The following BRSK1 variants were observed in gnomAD, a reference collection of about 807,000 sequenced individuals.
BRSK1 encodes the protein serine/threonine-protein kinase BRSK1.
In BRSK1, 17 loss-of-function variants were observed where a neutral mutation model predicts 86.2. That is an observed-to-expected ratio of 0.20 (90% CI 0.14 to 0.30). The LOEUF (loss-of-function observed/expected upper bound fraction) is 0.30. Among genes scored for constraint, BRSK1 ranks in the 10% least tolerant of loss-of-function variants. BRSK1 has a pLI of 1.00. For missense variants in BRSK1, 719 were observed against 1,071.9 expected, an observed-to-expected ratio of 0.67 and a Z score of 4.60; for synonymous variants, 464 against 440.1, an observed-to-expected ratio of 1.05 and a Z score of -0.68.
chr19:55,307,778 AC>A (rs1568989587), intron 17 of BRSK1, among the ~76,000 whole-genome samples: 8 of 135,068 alleles, frequency 5.9e-5, no homozygotes, highest in African/African-American at 8.4e-5. Context: ...ACACACACAC[AC>A]ACACACACAA....
chr19:55,303,942 T>C lies in BRSK1; in HGVS notation c.1287-108T>C, dbSNP rs1303142220. On this transcript the variant is annotated intron_variant, in intron 12 of 18. Transcript: ENST00000309383. The surrounding 1 kb of genome is among the most constrained non-coding windows in gnomAD (Gnocchi z 5.1). ...TCCTTGGGACAATTCACCTCCCCTCTCTGGGCCTCATTTCCTCACCTGGAA... is the reference window on the plus strand; with the variant it reads ...TCCTTGGGACAATTCACCTCCCCTCCCTGGGCCTCATTTCCTCACCTGGAA... 14 of 1,510,842 alleles carry C rather than the reference T, an allele frequency of 9.3e-6. No homozygotes were observed. Among genetic ancestry groups the C allele is most frequent in the Non-Finnish European group, 1.2e-5 (13 of 1,124,840 alleles). The allele number at this position is 1,510,842 out of a possible 1,614,324, so 93.6% of individuals were successfully genotyped here.
chr19:55,291,263 G>T (rs886615957), intron 4 of BRSK1, among the ~76,000 whole-genome samples: 4 of 151,906 alleles, frequency 2.6e-5, no homozygotes, highest in African/African-American at 9.7e-5. Flanking sequence ...TTTTGGCTGG[G>T]CATGGTAGCA....
At chr19:55,307,065 T>A (rs1019701576) in intron 17 of BRSK1, among the ~76,000 whole-genome samples, 1 of 152,226 alleles carries the variant, frequency 6.6e-6, no homozygotes, top group Non-Finnish European at 1.5e-5. Flanking sequence ...CTTCCAGTTC[T>A]GCTTTCTGTT....
At chr19:55,307,747 TACACAC>T (rs68176323) in intron 17 of BRSK1, among the ~76,000 whole-genome samples, 1,114 of 88,078 alleles carry the variant, frequency 0.013, 22 homozygotes, top group South Asian at 0.037. Context: ...AAAAAATTTA[TACACAC>T]ACACACACAC....
Position 55,284,492 on chromosome 19 carries a change from TCCCCC to T in BRSK1, c.51_55del (p.His19ProfsTer29). ...GGTGGGGGCTCTCCCGCCTACCACC[TCCCCC>T]ACCCCCACCCCCACCCACCCCAGCA... On this transcript the variant is annotated frameshift_variant, in exon 1 of 19. Transcript: ENST00000309383. LOFTEE classifies it high-confidence loss of function. 1.3e-6 allele frequency: 1 copy of T among 776,248 alleles called. No homozygotes were observed. Among genetic ancestry groups the T allele is most frequent in the Non-Finnish European group, 1.8e-6 (1 of 546,158 alleles). The allele number at this position is 776,248 out of a possible 1,614,324, so 48.1% of individuals were successfully genotyped here.
rs1203364703 is a variant in BRSK1 at position 55,308,659 on chromosome 19, C to A, written c.2110C>A (p.Arg704=). Residue 704 remains arginine (R), a synonymous_variant, in exon 18 of 19, where the codon CGA becomes AGA. Coordinates refer to ENST00000309383, the MANE Select transcript of BRSK1 (RefSeq NM_032430.2). Reference sequence around the variant, plus strand: ...TCTAGGTCCCAGCCGTCGGTTCAAGCGAGTGGTGGAGACCATCCAGGCACA... The same window carrying A: ...TCTAGGTCCCAGCCGTCGGTTCAAGAGAGTGGTGGAGACCATCCAGGCACA... ...LISGPSRRFK[R]VVETIQAQLL... is the part of the protein sequence containing the mutation. The A allele has an allele frequency of 6.2e-7, 1 of 1,606,582 alleles. No homozygotes were observed. Among genetic ancestry groups the A allele is most frequent in the African/African-American group, 1.4e-5 (1 of 73,352 alleles).
intron 4 of BRSK1, among the ~76,000 whole-genome samples, chr19:55,290,767 A>T (rs4341861): frequency 6.6e-6 from 1 of 151,576 alleles, no homozygotes. Context: ...TCAGCCTCCC[A>T]AGTAGCTGGG....
intron 7 of BRSK1, among the ~76,000 whole-genome samples, chr19:55,295,532 CTG>C (rs2122956793): frequency 6.6e-6 from 1 of 152,296 alleles, no homozygotes; most frequent in East Asian, 1.9e-4. Context: ...ATTCACAGAA[CTG>C]TGGGTTAAAA....
intron 14 of BRSK1, 127 bp downstream of exon 14, chr19:55,305,047 A>T (rs2088629066): frequency 7.1e-7 from 1 of 1,413,054 alleles, no homozygotes. Flanking sequence ...CACGTTCTAG[A>T]GAAGAGGGGG....
Position 55,303,660 on chromosome 19 carries a change from C to G in BRSK1, c.1127-7C>G. On this transcript the variant is annotated splice_region_variant and splice_polypyrimidine_tract_variant and intron_variant, in intron 11 of 18. Coordinates refer to ENST00000309383, the MANE Select transcript of BRSK1 (RefSeq NM_032430.2). This position sits in a 1 kb window ranked among gnomAD's most constrained non-coding sequence, Gnocchi z 5.1. ...CTCTTGATTGGGTTGAAACTGTTGTCCCTCAGACCCCCCCCGGAAGCGTGT... is the reference window on the plus strand; with the variant it reads ...CTCTTGATTGGGTTGAAACTGTTGTGCCTCAGACCCCCCCCGGAAGCGTGT... The G allele has an allele frequency of 6.3e-7, 1 of 1,591,394 alleles. No homozygotes were observed. Among genetic ancestry groups the G allele is most frequent in the Non-Finnish European group, 8.6e-7 (1 of 1,168,532 alleles).
chr19:55,298,209 C>CTTTT (rs71181751), intron 7 of BRSK1, among the ~76,000 whole-genome samples: 2 of 69,620 alleles, frequency 2.9e-5, no homozygotes, highest in Admixed American at 1.8e-4. Flanking sequence ...TTTGTTTCTT[C>CTTTT]TTTTTTTTTT....
At chr19:55,286,956 G>A in intron 1 of BRSK1, 51 bp from the exon 2 acceptor site, 1 of 1,578,894 alleles carries the variant, frequency 6.3e-7, no homozygotes, top group Non-Finnish European at 8.7e-7. Context: ...TAGGCGCTGG[G>A]GACGAAGGGG....
intron 4 of BRSK1, among the ~76,000 whole-genome samples, chr19:55,293,258 A>T (rs996164484): frequency 7.2e-5 from 11 of 151,924 alleles, no homozygotes; most frequent in African/African-American, 2.7e-4. Context: ...GACTTCTTGA[A>T]CCCGGGAGGT....
Position 55,284,329 on chromosome 19 carries a change from G to A in BRSK1, c.-114G>A, listed in dbSNP as rs933963500. 21 of 881,468 alleles carry A rather than the reference G, an allele frequency of 2.4e-5. No homozygotes were observed. In the African/African-American group the frequency reaches 3.3e-4, roughly 14 times the overall value. 54.6% of individuals were successfully genotyped at this position (881,468 alleles called of 1,614,324 possible). A position where few individuals can be genotyped will look rare whatever the true frequency, so the allele number is the denominator to read the frequency against. On this transcript the variant is annotated 5_prime_UTR_variant, in exon 1 of 19. Coordinates refer to ENST00000309383, the MANE Select transcript of BRSK1 (RefSeq NM_032430.2). ...GCCCCCTGGGGACCCCCGGAGAGGT[G>A]GGGGGCAGCCGGGGGGGCCGGGACG...
In BRSK1 at chr19:55,304,247, G is replaced by T; in HGVS notation, c.1347+137G>T. 2 of 934,918 alleles carry T rather than the reference G, an allele frequency of 2.1e-6. No homozygotes were observed. Among genetic ancestry groups the T allele is most frequent in the Non-Finnish European group, 1.6e-6 (1 of 635,846 alleles). 57.9% of individuals were successfully genotyped at this position (934,918 alleles called of 1,614,324 possible). A position where few individuals can be genotyped will look rare whatever the true frequency, so the allele number is the denominator to read the frequency against. On this transcript the variant is annotated intron_variant, in intron 13 of 18. Transcript: ENST00000309383. The surrounding 1 kb of genome is among the most constrained non-coding windows in gnomAD (Gnocchi z 5.2). ...GTCCCTGGAGGGCCAAAGACCCAAG[G>T]CCTCCAAAGTATTTTGGTCCATTGG...
Position 55,284,147 on chromosome 19 carries a change from G to T in BRSK1, c.-296G>T, listed in dbSNP as rs1276865900. The T allele has an allele frequency of 1.8e-5, 21 of 1,152,900 alleles. No homozygotes were observed. The highest frequency in any genetic ancestry group is 2.0e-5 in the Non-Finnish European group (18 of 917,012). The allele number at this position is 1,152,900 out of a possible 1,614,324, so 71.4% of individuals were successfully genotyped here. On this transcript the variant is annotated 5_prime_UTR_variant, in exon 1 of 19. Transcript: ENST00000309383. ...GCCCGCACCTCAGACCCCCCCGGCG[G>T]GGGGAGGCGCAGGAAGCGGGGGGCC...
At position 55,304,651 on chromosome 19, in the gene BRSK1, C is replaced by T; in HGVS notation, c.1448C>T (p.Pro483Leu). Residue 483 changes from proline (P) to leucine (L), a missense_variant, in exon 14 of 19, where the codon CCC becomes CTC. Pro to Leu is a moderately conservative substitution (Grantham distance 98). Coordinates refer to ENST00000309383, the MANE Select transcript of BRSK1 (RefSeq NM_032430.2). This position sits in a 1 kb window ranked among gnomAD's most constrained non-coding sequence, Gnocchi z 5.2. ...ACGCAGACGCTGCCTTCTCGGGGCC[C>T]CAGGGGTGGGGGCGCCGGGGAGCAG... ...SKTQTLPSRG[P>L]RGGGAGEQPP... is the part of the protein sequence containing the mutation. 6.6e-7 allele frequency: 1 copy of T among 1,514,918 alleles called. No homozygotes were observed. Among genetic ancestry groups the T allele is most frequent in the Non-Finnish European group, 8.8e-7 (1 of 1,136,284 alleles). 93.8% of individuals were successfully genotyped at this position (1,514,918 alleles called of 1,614,324 possible).
chr19:55,300,843 A>C (rs938967162), intron 7 of BRSK1, among the ~76,000 whole-genome samples: 3 of 152,128 alleles, frequency 2.0e-5, no homozygotes, highest in African/African-American at 7.2e-5. Context: ...CTCCATCTCA[A>C]AAAAGAAAGA....
chr19:55,300,753 C>T (rs1033300778), intron 7 of BRSK1, among the ~76,000 whole-genome samples: 2 of 152,120 alleles, frequency 1.3e-5, no homozygotes, highest in African/African-American at 4.8e-5. Context: ...GCAGGAGGAT[C>T]GCTTGAACCT....
Sources: gnomAD v4.1 joint callset for allele counts (sites outside exome capture counted in the v4.1 genomes callset) on GRCh38, gnomAD v4.1.1 for gene constraint, Gnocchi (gnomAD v3.1) non-coding constraint, MANE v1.5 for transcripts, NCBI Gene and HGNC (gene_info 2026-07-23, HGNC 2026-07-21) for gene names.